Variants in TRA2B observed in about 807,000 individuals in gnomAD.
TRA2B encodes transformer 2 beta homolog.
TRA2B carries 14 observed loss-of-function variants against 41.7 expected under a neutral mutation model. That is an observed-to-expected ratio of 0.34 (90% CI 0.22 to 0.53). The LOEUF (loss-of-function observed/expected upper bound fraction) is 0.53, where lower values mean the gene tolerates loss of function less well. Ranked by LOEUF, TRA2B falls within the 20% of genes least tolerant of loss-of-function variation. The pLI is 0.95. For missense variants in TRA2B, 167 were observed against 396.8 expected (o/e 0.42, Z 4.92); for synonymous variants, 130 against 128.8 (o/e 1.01, Z -0.06).
chr3:185,926,993 C>T (rs1305716990), intron 1 of TRA2B: 5 of 381,076 alleles, frequency 1.3e-5, no homozygotes, highest in Admixed American at 1.1e-4. Context: ...GAAAGGGGTG[C>T]CAAAGTCAAG....
In TRA2B at chr3:185,935,394, A is replaced by C. The variant is rs367545148; in HGVS notation, c.36+2431T>G. Reference sequence around the variant, plus strand: ...ACCAACGAGGGATGAGGGACACACCAGTTCTTTAAATGTCATTATATTCAC... The same window carrying C: ...ACCAACGAGGGATGAGGGACACACCCGTTCTTTAAATGTCATTATATTCAC... On this transcript the variant is annotated intron_variant, in intron 1 of 8. Transcript: ENST00000453386. 1.0e-5 allele frequency: 10 copies of C among 985,422 alleles called. No homozygotes were observed. The African/African-American group carries it at 1.2e-4, about 12-fold the overall frequency. The allele number at this position is 985,422 out of a possible 1,614,324, so 61.0% of individuals were successfully genotyped here. A position where few individuals can be genotyped will look rare whatever the true frequency, so the allele number is the denominator to read the frequency against.
intron 1 of TRA2B, chr3:185,935,044 A>G (rs1158346181): frequency 1.3e-5 from 13 of 985,344 alleles, no homozygotes; most frequent in Non-Finnish European, 1.6e-5. Context: ...CAAGACCAAC[A>G]TACAAATCTC....
At chr3:185,934,546 A>T (rs1744274924) in intron 1 of TRA2B, 1 of 985,310 alleles carries the variant, frequency 1.0e-6, no homozygotes, top group Admixed American at 6.2e-5. Flanking sequence ...ACCGGGTTTC[A>T]AGAGACTGAT....
At chr3:185,933,784 T>C (rs1042612714) in intron 1 of TRA2B, among the ~76,000 whole-genome samples, 1 of 148,290 alleles carries the variant, frequency 6.7e-6, no homozygotes, top group Admixed American at 6.8e-5. Flanking sequence ...AAAAACTCTC[T>C]TGTAAATATA....
At chr3:185,931,441 A>G (rs538767209) in intron 1 of TRA2B, 2 of 573,192 alleles carry the variant, frequency 3.5e-6, no homozygotes, top group African/African-American at 4.0e-5. Context: ...CTAAGCAGTT[A>G]AAATCAGAAT....
At chr3:185,924,093 A>C (rs1474919397) in intron 3 of TRA2B, 109 bp from the exon 4 acceptor site, 2 of 946,430 alleles carry the variant, frequency 2.1e-6, no homozygotes. Context: ...AAAAGTACAT[A>C]ATGATTAGAC....
chr3:185,918,347 A>G lies in TRA2B; in HGVS notation c.856+18T>C, dbSNP rs1341260891. ...GCCATACTACAATATAAACAATCAT[A>G]TTAAGATAAAAACTTACGAGGTGAG... On this transcript the variant is annotated intron_variant, in intron 8 of 8. Coordinates refer to ENST00000453386, the MANE Select transcript of TRA2B (RefSeq NM_004593.3). 1 of 1,587,082 alleles carries G rather than the reference A, an allele frequency of 6.3e-7. No individual in the cohort carries two copies. Among genetic ancestry groups the G allele is most frequent in the African/African-American group, 1.3e-5 (1 of 74,334 alleles).
intron 1 of TRA2B, chr3:185,935,995 C>T: frequency 1.0e-6 from 1 of 985,340 alleles, no homozygotes; most frequent in Non-Finnish European, 1.2e-6. Context: ...AAAGATAACC[C>T]ATCAGAAAAT....
At position 185,915,029 on chromosome 3, in the gene TRA2B, T is replaced by C. The variant is rs1482826909; in HGVS notation, c.*2686A>G. Among the ~76,000 whole-genome samples the C allele has an allele frequency of 6.6e-6, 1 of 152,166 alleles. No homozygotes were observed. The highest frequency in any genetic ancestry group is 2.1e-4 in the South Asian group (1 of 4,824). On this transcript the variant is annotated 3_prime_UTR_variant, in exon 9 of 9. Coordinates refer to ENST00000453386, the MANE Select transcript of TRA2B (RefSeq NM_004593.3). The stretch of plus-strand genomic sequence containing the variant: ...GAGCATTCTCTAACATGTAGTTAGA[T>C]TTCCATAAGGAAATGTGCAAGCTAG...
Position 185,937,984 on chromosome 3 carries a change from A to C in TRA2B, c.-124T>G. ...CCGGTCGCCCAGCCGCTCAGAGCCG[A>C]AATGCTCCGCACCGCCTCCGCACGG... On this transcript the variant is annotated 5_prime_UTR_variant, in exon 1 of 9. Coordinates refer to ENST00000453386, the MANE Select transcript of TRA2B (RefSeq NM_004593.3). 1.7e-6 allele frequency: 2 copies of C among 1,168,960 alleles called. No individual in the cohort carries two copies. The highest frequency in any genetic ancestry group is 2.5e-6 in the Non-Finnish European group (2 of 809,272). 72.4% of individuals were successfully genotyped at this position (1,168,960 alleles called of 1,614,324 possible).
chr3:185,932,556 ATT>A (rs1744189993), intron 1 of TRA2B, among the ~76,000 whole-genome samples: 2 of 152,194 alleles, frequency 1.3e-5, no homozygotes, highest in African/African-American at 4.8e-5. Context: ...CAACACTGGT[ATT>A]TTCAAAGAGT....
rs1214111174 is a variant in TRA2B, at chr3:185,917,541, A to G, written c.*174T>C. On this transcript the variant is annotated 3_prime_UTR_variant, in exon 9 of 9. Transcript: ENST00000453386. ...AACTTGGAACAAAGCACCAAACTAC[A>G]CAAATGCAGAATGAAAACAGCATTT... The G allele has an allele frequency of 1.7e-6, 1 of 585,744 alleles. No homozygotes were observed. Among genetic ancestry groups the G allele is most frequent in the African/African-American group, 1.9e-5 (1 of 52,066 alleles). The allele number at this position is 585,744 out of a possible 1,614,324, so 36.3% of individuals were successfully genotyped here. A position where few individuals can be genotyped will look rare whatever the true frequency, so the allele number is the denominator to read the frequency against.
intron 1 of TRA2B, chr3:185,935,988 G>C (rs972475381): frequency 4.1e-6 from 4 of 985,378 alleles, no homozygotes; most frequent in Non-Finnish European, 4.8e-6. Flanking sequence ...CTAGTAAAAA[G>C]ATAACCCATC....
At chr3:185,933,827 G>T (rs7638894) in intron 1 of TRA2B, among the ~76,000 whole-genome samples, 5,295 of 152,020 alleles carry the variant, frequency 0.035, 283 homozygotes, top group African/African-American at 0.12. Context: ...TCATAAAACA[G>T]TCAGTACTCC....
At chr3:185,928,334 T>C (rs1744028662) in intron 1 of TRA2B, 1 of 152,148 alleles carries the variant, frequency 6.6e-6, no homozygotes, top group Admixed American at 6.5e-5. Flanking sequence ...TTCAAAGCCA[T>C]TATAAAACAT....
chr3:185,936,676 GT>G lies in TRA2B; in HGVS notation c.36+1148del, dbSNP rs35441764. 1.4e-3 allele frequency: 1,117 copies of G among 809,122 alleles called. 1 individual carries two copies. Among genetic ancestry groups the G allele is most frequent in the Middle Eastern group, 6.8e-3 (11 of 1,606 alleles). 50.1% of individuals were successfully genotyped at this position (809,122 alleles called of 1,614,324 possible). On this transcript the variant is annotated intron_variant, in intron 1 of 8. Coordinates refer to ENST00000453386, the MANE Select transcript of TRA2B (RefSeq NM_004593.3). ...CAAGGGGAAACTTAGGTAACAAATT[GT>G]TTTTTTTTTTTAAAAAAGCACAAAT...
intron 4 of TRA2B, chr3:185,923,226 G>A (rs1214734851): frequency 6.5e-6 from 1 of 152,996 alleles, no homozygotes; most frequent in Non-Finnish European, 1.5e-5. Context: ...CGGTGAGCCG[G>A]AGATCGCGCC....
At chr3:185,923,682 A>G in intron 4 of TRA2B, 114 bp downstream of exon 4, 1 of 1,000,768 alleles carries the variant, frequency 1.0e-6, no homozygotes, top group Non-Finnish European at 1.4e-6. Context: ...GAGGTTGGAG[A>G]AAAAGTTCGA....
chr3:185,921,008 A>T, intron 6 of TRA2B, 96 bp downstream of exon 6: 1 of 1,055,468 alleles, frequency 9.5e-7, no homozygotes, highest in Admixed American at 2.0e-5. Flanking sequence ...AAAAGTACTA[A>T]AGCAAAGCTT....
Sources: allele counts gnomAD v4.1 joint callset (sites outside exome capture counted in the v4.1 genomes callset), GRCh38; gene constraint gnomAD v4.1.1; transcripts MANE v1.5; gene names NCBI Gene and HGNC (gene_info 2026-07-23, HGNC 2026-07-21).